BBS9: variants seen among roughly 807,000 people sequenced by gnomAD.
BBS9 encodes the protein Bardet-Biedl syndrome 9.
A neutral mutation model predicts 117.7 loss-of-function variants in BBS9; 89 were observed. The observed-to-expected ratio is 0.76, with a 90% confidence interval of 0.64 to 0.90. BBS9 has a LOEUF of 0.90. BBS9 is among the 40% of genes least tolerant of loss of function. The pLI, the probability that BBS9 is intolerant of heterozygous loss-of-function variation, is 0.00. For missense variants in BBS9, 982 were observed against 1,042.2 expected (o/e 0.94, Z 0.80); for synonymous variants, 379 against 370.9 (o/e 1.02, Z -0.25).
intron 1 of BBS9, among the ~76,000 whole-genome samples, chr7:33,134,277 C>T (rs1241230326): frequency 6.9e-6 from 1 of 144,990 alleles, no homozygotes; most frequent in Non-Finnish European, 1.5e-5. Flanking sequence ...GTTGGCCAGG[C>T]TGGTCTCGAA....
intron 19 of BBS9, among the ~76,000 whole-genome samples, chr7:33,486,215 T>C (rs1056755878): frequency 2.0e-5 from 3 of 152,198 alleles, no homozygotes; most frequent in African/African-American, 7.2e-5. Context: ...CTTACAATAC[T>C]GAACCCTCTT....
At position 33,388,065 on chromosome 7, in the gene BBS9, G is replaced by T. The variant is rs768958916; in HGVS notation, c.2036G>T (p.Arg679Leu). Residue 679 changes from arginine to leucine, a missense_variant, in exon 19 of 23, where the codon CGG becomes CTG. Coordinates refer to ENST00000242067, the MANE Select transcript of BBS9 (RefSeq NM_198428.3). ...RAVQFRAIQR[R>L]LLARFKDKTP... ...GTACAATTTCGGGCCATTCAACGCC[G>T]GCTACTAGCAAGATTCAAAGATAAA... is the stretch of plus-strand genomic sequence containing the variant. 3.1e-6 allele frequency: 5 copies of T among 1,614,014 alleles called. No individual in the cohort carries two copies. Among genetic ancestry groups the T allele is most frequent in the Non-Finnish European group, 4.2e-6 (5 of 1,179,988 alleles).
In BBS9 at chr7:33,545,232, T is replaced by G. The variant is rs956199983; in HGVS notation, c.2521+11056T>G. ...CAGGAGGCTTCTTGTCCCTAGCCTT[T>G]CTTGTTCAAATTGTTACAAAGTTCA... On this transcript the variant is annotated intron_variant, in intron 21 of 22. Coordinates refer to ENST00000242067, the MANE Select transcript of BBS9 (RefSeq NM_198428.3). Among the ~76,000 whole-genome samples the G allele has an allele frequency of 2.6e-5, 4 of 152,260 alleles. No homozygotes were observed. The East Asian group carries it at 7.7e-4, about 29-fold the overall frequency.
chr7:33,333,292 A>G (rs1470878482), intron 9 of BBS9, among the ~76,000 whole-genome samples: 1 of 152,130 alleles, frequency 6.6e-6, no homozygotes, highest in Non-Finnish European at 1.5e-5. Context: ...GCTCTCACTT[A>G]TAAGTGAGAA....
chr7:33,599,305 G>T (rs990699445), intron 21 of BBS9, among the ~76,000 whole-genome samples: 7 of 152,026 alleles, frequency 4.6e-5, no homozygotes, highest in African/African-American at 1.7e-4. Context: ...AGCTGTCTTT[G>T]GCCCCAGGGA....
At chr7:33,252,322 T>C (rs1796342472) in intron 5 of BBS9, among the ~76,000 whole-genome samples, 1 of 152,110 alleles carries the variant, frequency 6.6e-6, no homozygotes, top group East Asian at 1.9e-4. Context: ...GGGACACAGA[T>C]CCAAACCATA....
intron 21 of BBS9, among the ~76,000 whole-genome samples, chr7:33,572,567 C>T (rs1857994958): frequency 6.6e-6 from 1 of 152,014 alleles, no homozygotes; most frequent in Non-Finnish European, 1.5e-5. Flanking sequence ...CAACAGTGTA[C>T]AAACATTCCC....
intron 21 of BBS9, among the ~76,000 whole-genome samples, chr7:33,629,474 C>T (rs1282143959): frequency 6.6e-6 from 1 of 152,072 alleles, no homozygotes; most frequent in African/African-American, 2.4e-5. Flanking sequence ...GCTGTTCGAT[C>T]GCTATGTGAC....
intron 5 of BBS9, among the ~76,000 whole-genome samples, chr7:33,229,507 G>T (rs555698155): frequency 3.9e-5 from 6 of 151,904 alleles, no homozygotes; most frequent in Admixed American, 2.0e-4. Flanking sequence ...TCTGTGTCTG[G>T]CTTATTTCCT....
At chr7:33,201,539 T>TG (rs1353284575) in intron 5 of BBS9, among the ~76,000 whole-genome samples, 1 of 152,122 alleles carries the variant, frequency 6.6e-6, no homozygotes, top group Non-Finnish European at 1.5e-5. Flanking sequence ...CAGAATTCTG[T>TG]GGGGTGAATC....
chr7:33,228,344 A>T (rs1791691917), intron 5 of BBS9, among the ~76,000 whole-genome samples: 1 of 152,162 alleles, frequency 6.6e-6, no homozygotes, highest in Non-Finnish European at 1.5e-5. Context: ...TGAAGCAATT[A>T]AAAATAAAAT....
intron 21 of BBS9, among the ~76,000 whole-genome samples, chr7:33,543,625 C>T (rs1326143997): frequency 6.6e-6 from 1 of 152,152 alleles, no homozygotes; most frequent in African/African-American, 2.4e-5. Flanking sequence ...TCTCATGGCT[C>T]TTAAGATTCT....
chr7:33,403,295 G>C (rs558343179), intron 19 of BBS9, among the ~76,000 whole-genome samples: 1 of 137,842 alleles, frequency 7.3e-6, no homozygotes, highest in African/African-American at 2.7e-5. Context: ...TTTTTTTTTT[G>C]AGTTTTACTT....
chr7:33,447,394 C>G (rs1837151146), intron 19 of BBS9, among the ~76,000 whole-genome samples: 1 of 152,176 alleles, frequency 6.6e-6, no homozygotes. Flanking sequence ...TTACACTGAG[C>G]ATTTGCAGTA....
intron 5 of BBS9, among the ~76,000 whole-genome samples, chr7:33,225,268 G>A (rs1465302810): frequency 6.6e-6 from 1 of 152,142 alleles, no homozygotes; most frequent in African/African-American, 2.4e-5. Flanking sequence ...CATAATCACA[G>A]CTCACTGTGG....
intron 19 of BBS9, among the ~76,000 whole-genome samples, chr7:33,452,974 A>C (rs1351004235): frequency 3.3e-5 from 5 of 152,232 alleles, no homozygotes; most frequent in African/African-American, 1.2e-4. Flanking sequence ...ATTAAGTTAC[A>C]TGACTGTGCA....
chr7:33,598,081 A>G (rs1471859960), intron 21 of BBS9, among the ~76,000 whole-genome samples: 1 of 151,156 alleles, frequency 6.6e-6, no homozygotes, highest in East Asian at 1.9e-4. Context: ...GATAACTTGA[A>G]CTCCACTGTT....
intron 4 of BBS9, among the ~76,000 whole-genome samples, chr7:33,173,144 A>G (rs997130115): frequency 5.3e-5 from 8 of 152,208 alleles, no homozygotes; most frequent in African/African-American, 1.9e-4. Flanking sequence ...GGAAGAAAGC[A>G]TCCTCTATGC....
intron 20 of BBS9, among the ~76,000 whole-genome samples, chr7:33,524,054 T>C (rs1330222192): frequency 8.4e-6 from 1 of 118,950 alleles, no homozygotes; most frequent in Non-Finnish European, 1.7e-5. Context: ...ATTACATTTA[T>C]TGATTTGCGT....
Sources: allele counts gnomAD v4.1 joint callset (sites outside exome capture counted in the v4.1 genomes callset), GRCh38; gene constraint gnomAD v4.1.1; transcripts MANE v1.5; gene names NCBI Gene and HGNC (gene_info 2026-07-23, HGNC 2026-07-21).